The following POGLUT1 variants were observed in gnomAD, a reference collection of about 807,000 sequenced individuals.
The protein encoded by POGLUT1 is protein O-glucosyltransferase 1.
POGLUT1 carries 32 observed loss-of-function variants against 61.3 expected under a neutral mutation model. The ratio of observed to expected loss-of-function variants is 0.52; its 90% CI spans 0.39 to 0.70. POGLUT1 has a LOEUF of 0.70. Ranked by LOEUF, POGLUT1 falls within the 30% of genes least tolerant of loss-of-function variation. The pLI, the probability that POGLUT1 is intolerant of heterozygous loss-of-function variation, is 0.00. For missense variants in POGLUT1, 411 were observed against 469.8 expected, an observed-to-expected ratio of 0.87 and a Z score of 1.16; for synonymous variants, 158 against 158.2, an observed-to-expected ratio of 1.00 and a Z score of 0.01.
At chr3:119,482,997 AG>A (rs1049679441) in intron 5 of POGLUT1, among the ~76,000 whole-genome samples, 1 of 152,228 alleles carries the variant, frequency 6.6e-6, no homozygotes, top group Admixed American at 6.5e-5. Context: ...GAGAGAGAAC[AG>A]TGATACACAG....
intron 5 of POGLUT1, among the ~76,000 whole-genome samples, chr3:119,480,627 A>G (rs1286883101): frequency 6.6e-6 from 1 of 152,222 alleles, no homozygotes; most frequent in Non-Finnish European, 1.5e-5. Context: ...GTACGTGTCT[A>G]ATAATATTTA....
At chr3:119,475,505 A>G (rs538550832) in intron 3 of POGLUT1, among the ~76,000 whole-genome samples, 14 of 152,324 alleles carry the variant, frequency 9.2e-5, no homozygotes, top group Admixed American at 5.9e-4. Flanking sequence ...AGGGCAATTA[A>G]TGTCATTTTA....
At chr3:119,484,999 G>A (rs1409762885) in intron 5 of POGLUT1, among the ~76,000 whole-genome samples, 6 of 152,120 alleles carry the variant, frequency 3.9e-5, no homozygotes, top group East Asian at 3.9e-4. Flanking sequence ...GGCGGATCAC[G>A]AAGTCAGGAG....
intron 1 of POGLUT1, 61 bp from the exon 2 acceptor site, chr3:119,469,758 TG>T: frequency 2.5e-6 from 2 of 803,994 alleles, no homozygotes; most frequent in Non-Finnish European, 4.4e-6. Flanking sequence ...TCTGTTGGTG[TG>T]GTGTCAGCAA....
In POGLUT1 at chr3:119,492,465, T is replaced by G. The variant is rs1172800559; in HGVS notation, c.*27T>G. The G allele has an allele frequency of 1.4e-6, 2 of 1,467,872 alleles. No individual in the cohort carries two copies. Among genetic ancestry groups the G allele is most frequent in the East Asian group, 4.9e-5 (2 of 40,458 alleles). 90.9% of individuals were successfully genotyped at this position (1,467,872 alleles called of 1,614,324 possible). The stretch of plus-strand genomic sequence containing the variant: ...AGTCATCATAGGACCATAGTCCTCT[T>G]TGTGGCAACAGATCTCAGATATCCT... On this transcript the variant is annotated 3_prime_UTR_variant, in exon 11 of 11. Transcript: ENST00000295588.
intron 4 of POGLUT1, 108 bp downstream of exon 4, chr3:119,477,556 A>G: frequency 9.5e-7 from 1 of 1,050,392 alleles, no homozygotes; most frequent in South Asian, 1.5e-5. Flanking sequence ...AAGGATGAGG[A>G]CTGAGGTCCA....
chr3:119,482,459 G>T (rs990685097), intron 5 of POGLUT1, among the ~76,000 whole-genome samples: 2 of 152,022 alleles, frequency 1.3e-5, no homozygotes, highest in Non-Finnish European at 2.9e-5. Flanking sequence ...AAACTCCTGG[G>T]GTCAAGGTGT....
intron 8 of POGLUT1, chr3:119,489,233 T>C (rs1442882161): frequency 1.2e-5 from 4 of 326,126 alleles, no homozygotes; most frequent in Non-Finnish European, 2.3e-5. Flanking sequence ...AGTAATGGAA[T>C]TACCTCTCCA....
At chr3:119,470,070 T>C (rs2081452602) in intron 2 of POGLUT1, among the ~76,000 whole-genome samples, 160 bp downstream of exon 2, 1 of 152,180 alleles carries the variant, frequency 6.6e-6, no homozygotes, top group Admixed American at 6.5e-5. Flanking sequence ...GCTCAGGTGG[T>C]GTCAACCTAA....
chr3:119,486,949 T>A lies in POGLUT1; in HGVS notation c.738+17T>A. On this transcript the variant is annotated intron_variant, in intron 7 of 10. Transcript: ENST00000295588. Reference sequence around the variant, plus strand: ...TCTATGAAAGTAATCACCAGTCATCTGACTAGAACTACAGCAGTGAACATT... The same window carrying A: ...TCTATGAAAGTAATCACCAGTCATCAGACTAGAACTACAGCAGTGAACATT... 6.9e-7 allele frequency: 1 copy of A among 1,451,166 alleles called. No individual in the cohort carries two copies. Among genetic ancestry groups the A allele is most frequent in the Non-Finnish European group, 9.7e-7 (1 of 1,031,508 alleles). The allele number at this position is 1,451,166 out of a possible 1,614,324, so 89.9% of individuals were successfully genotyped here.
chr3:119,469,985 T>G, intron 2 of POGLUT1, 75 bp downstream of exon 2: 1 of 921,876 alleles, frequency 1.1e-6, no homozygotes, highest in Non-Finnish European at 1.8e-6. Context: ...CCTTGAGAGA[T>G]TTTGGTTGCA....
rs1560031865 is a variant in POGLUT1, at chr3:119,475,995, A to ACAC, written c.321-1318_321-1317insCAC. Among the ~76,000 whole-genome samples, 101 of 30,754 alleles carry ACAC rather than the reference A, an allele frequency of 3.3e-3. 1 individual carries two copies. The highest frequency in any genetic ancestry group is 6.5e-3 in the African/African-American group (29 of 4,472). 20.2% of individuals were successfully genotyped at this position (30,754 alleles called of 152,430 possible). On this transcript the variant is annotated intron_variant, in intron 3 of 10. Coordinates refer to ENST00000295588, the MANE Select transcript of POGLUT1 (RefSeq NM_152305.3). ...ACACACACACACACACACACACACA[A>ACAC]ACACATACAGAGTTGCCAGGTGTGT...
intron 2 of POGLUT1, among the ~76,000 whole-genome samples, chr3:119,470,575 CAA>C (rs1577075172): frequency 1.3e-5 from 2 of 151,978 alleles, no homozygotes; most frequent in South Asian, 4.1e-4. Flanking sequence ...GACTCCGTCT[CAA>C]AAAAGAGAGA....
chr3:119,487,632 T>G (rs2081683019), intron 7 of POGLUT1, among the ~76,000 whole-genome samples: 1 of 152,114 alleles, frequency 6.6e-6, no homozygotes, highest in Non-Finnish European at 1.5e-5. Context: ...AAAAACTTTA[T>G]GGGCACTGAA....
rs77629083 is a variant in POGLUT1 at position 119,478,147 on chromosome 3, G to A, written c.456+699G>A. 2,025 of 343,416 alleles carry A rather than the reference G, an allele frequency of 5.9e-3. 38 individuals are homozygous for A. The highest frequency in any genetic ancestry group is 0.038 in the African/African-American group (1,774 of 46,416). 21.3% of individuals were successfully genotyped at this position (343,416 alleles called of 1,614,324 possible). A position where few individuals can be genotyped will look rare whatever the true frequency, so the allele number is the denominator to read the frequency against. ...TGGGCCTTGGTTCCCTAGAGACAAGGAAAGCATTTGGGGGTGAAGGCAGGA... is the reference window on the plus strand; with the variant it reads ...TGGGCCTTGGTTCCCTAGAGACAAGAAAAGCATTTGGGGGTGAAGGCAGGA... On this transcript the variant is annotated intron_variant, in intron 4 of 10. Transcript: ENST00000295588.
In POGLUT1 at chr3:119,493,559, C is replaced by T. The variant is rs1405559438; in HGVS notation, c.*1121C>T. The stretch of plus-strand genomic sequence containing the variant: ...CTTAGAACCATCCTTGACCCTTAGG[C>T]CCAACCTTTCCACAGAGAAATCACC... On this transcript the variant is annotated 3_prime_UTR_variant, in exon 11 of 11. Transcript: ENST00000295588. 1.3e-5 allele frequency: 2 copies of T among 152,160 alleles called. No individual in the cohort carries two copies. Among genetic ancestry groups the T allele is most frequent in the Non-Finnish European group, 1.5e-5 (1 of 68,028 alleles). The allele number at this position is 152,160 out of a possible 1,614,324, so 9.4% of individuals were successfully genotyped here.
intron 7 of POGLUT1, 125 bp downstream of exon 7, chr3:119,487,057 A>G (rs969016257): frequency 5.3e-5 from 37 of 701,886 alleles, no homozygotes; most frequent in Non-Finnish European, 8.2e-5. Flanking sequence ...AGAAAGTTCC[A>G]TGAACCAGCA....
At chr3:119,476,861 G>A (rs1056561614) in intron 3 of POGLUT1, among the ~76,000 whole-genome samples, 3 of 152,178 alleles carry the variant, frequency 2.0e-5, no homozygotes, top group African/African-American at 7.2e-5. Flanking sequence ...CATAAACTAG[G>A]AGACTTAATT....
chr3:119,492,480 T>G lies in POGLUT1; in HGVS notation c.*42T>G. The G allele has an allele frequency of 7.3e-7, 1 of 1,366,842 alleles. No individual in the cohort carries two copies. The highest frequency in any genetic ancestry group is 1.0e-6 in the Non-Finnish European group (1 of 995,460). The allele number at this position is 1,366,842 out of a possible 1,614,324, so 84.7% of individuals were successfully genotyped here. A position where few individuals can be genotyped will look rare whatever the true frequency, so the allele number is the denominator to read the frequency against. On this transcript the variant is annotated 3_prime_UTR_variant, in exon 11 of 11. Transcript: ENST00000295588. ...ATAGTCCTCTTTGTGGCAACAGATC[T>G]CAGATATCCTACGGTGAGAAGCTTA...
Sources: gnomAD v4.1 joint callset for allele counts (sites outside exome capture counted in the v4.1 genomes callset) on GRCh38, gnomAD v4.1.1 for gene constraint, MANE v1.5 for transcripts, NCBI Gene and HGNC (gene_info 2026-07-23, HGNC 2026-07-21) for gene names.